PRDM16: variants seen among roughly 807,000 people sequenced by gnomAD.
The protein encoded by PRDM16 is PR/SET domain 16, also known as histone-lysine N-methyltransferase PRDM16.
PRDM16 carries 23 observed loss-of-function variants against 110.6 expected under a neutral mutation model. The observed-to-expected ratio is 0.21, with a 90% CI of 0.15 to 0.29. The LOEUF is 0.29. Ranked by LOEUF, PRDM16 falls within the 10% of genes least tolerant of loss-of-function variation. The pLI is 1.00. For synonymous variants in PRDM16, 799 were observed against 781.8 expected, an observed-to-expected ratio of 1.02 and a Z score of -0.37; for missense variants, 1,615 against 1,794.3, an observed-to-expected ratio of 0.90 and a Z score of 1.81.
rs989731543 is a variant in PRDM16, at chr1:3,390,698, G to A, written c.573+5412G>A. Among the ~76,000 whole-genome samples the A allele has an allele frequency of 2.6e-5, 4 of 152,290 alleles. No homozygotes were observed. In the East Asian group the frequency reaches 5.8e-4, roughly 22 times the overall value. ...GCTTTGCTGTCCTGGGCTCTGACCCGGGTCCCGCGTTTCTGTCTGGGCGTG... is the reference window on the plus strand; with the variant it reads ...GCTTTGCTGTCCTGGGCTCTGACCCAGGTCCCGCGTTTCTGTCTGGGCGTG... On this transcript the variant is annotated intron_variant, in intron 4 of 16. Coordinates refer to ENST00000270722, the MANE Select transcript of PRDM16 (RefSeq NM_022114.4). This position sits in a 1 kb window ranked among gnomAD's most constrained non-coding sequence, Gnocchi z 5.0.
In PRDM16 at chr1:3,358,939, CAG is replaced by C. The variant is rs1314365265; in HGVS notation, c.439-26210_439-26209del. Among the ~76,000 whole-genome samples the C allele has an allele frequency of 2.6e-5, 4 of 152,326 alleles. No homozygotes were observed. Among genetic ancestry groups the C allele is most frequent in the Non-Finnish European group, 4.4e-5 (3 of 68,030 alleles). ...TCCATGGCCGGCTCCCATGAGGAATCAGAGGGGGAAAGCACAGCCGCTGTGGC... is the reference window on the plus strand; with the variant it reads ...TCCATGGCCGGCTCCCATGAGGAATCAGGGGGAAAGCACAGCCGCTGTGGC... On this transcript the variant is annotated intron_variant, in intron 3 of 16. Transcript: ENST00000270722. The surrounding 1 kb of genome is among the most constrained non-coding windows in gnomAD (Gnocchi z 4.0).
rs368744559 is a variant in PRDM16 at position 3,405,658 on chromosome 1, C to T, written c.1186+10C>T. 5.4e-5 allele frequency: 84 copies of T among 1,558,120 alleles called. No homozygotes were observed. The Admixed American group carries it at 6.4e-4, about 12-fold the overall frequency. ...GTGAAGCCTTTCATATGTGAGTGGT[C>T]GCCCAGCCTGGCCGCCTGCCCTCCG... On this transcript the variant is annotated intron_variant, in intron 8 of 16. Transcript: ENST00000270722.
chr1:3,148,361 C>G lies in PRDM16; in HGVS notation c.38-37764C>G, dbSNP rs1184306926. On this transcript the variant is annotated intron_variant, in intron 1 of 16. Coordinates refer to ENST00000270722, the MANE Select transcript of PRDM16 (RefSeq NM_022114.4). The surrounding 1 kb of genome is among the most constrained non-coding windows in gnomAD (Gnocchi z 5.0). ...CCCTCACCAGGCAGCCCTGCAAACC[C>G]AGGAGCCAGGAGCTGCAGGAGGGCC... Among the ~76,000 whole-genome samples the G allele has an allele frequency of 6.6e-6, 1 of 152,088 alleles. No individual in the cohort carries two copies. The highest frequency in any genetic ancestry group is 1.9e-4 in the East Asian group (1 of 5,176).
At chr1:3,174,169 CATTCCTTGGCTCGGGGCA>C (rs1390672557) in intron 1 of PRDM16, among the ~76,000 whole-genome samples, 1 of 152,132 alleles carries the variant, frequency 6.6e-6, no homozygotes, top group Non-Finnish European at 1.5e-5. Flanking sequence ...TGGCTCCAGG[CATTCCTTGGCTCGGGGCA>C]AATCCCTGCC....
intron 3 of PRDM16, chr1:3,306,980 G>C (rs1397952627): frequency 6.6e-6 from 1 of 152,162 alleles, no homozygotes; most frequent in Admixed American, 6.5e-5. Flanking sequence ...TGGTTCCCAG[G>C]TTCGCCCACT....
Position 3,358,251 on chromosome 1 carries a change from C to T in PRDM16, c.439-26901C>T, listed in dbSNP as rs1184602188. Among the ~76,000 whole-genome samples, 1 of 152,200 alleles carries T rather than the reference C, an allele frequency of 6.6e-6. No homozygotes were observed. The highest frequency in any genetic ancestry group is 2.4e-5 in the African/African-American group (1 of 41,466). On this transcript the variant is annotated intron_variant, in intron 3 of 16. Coordinates refer to ENST00000270722, the MANE Select transcript of PRDM16 (RefSeq NM_022114.4). This position sits in a 1 kb window ranked among gnomAD's most constrained non-coding sequence, Gnocchi z 4.0. ...ACAGATAAAGTCACCATGAGACTCC[C>T]GGTTCTGCCTCCTGGGGACCCAGCC...
chr1:3,217,599 G>A (rs1436154553), intron 2 of PRDM16, among the ~76,000 whole-genome samples: 1 of 152,184 alleles, frequency 6.6e-6, no homozygotes, highest in Non-Finnish European at 1.5e-5. Context: ...CTAAGTCTAC[G>A]GCGAGGGTGA....
intron 12 of PRDM16, among the ~76,000 whole-genome samples, chr1:3,421,027 G>C (rs1253339009): frequency 1.3e-5 from 2 of 152,232 alleles, no homozygotes; most frequent in African/African-American, 4.8e-5. Flanking sequence ...CCTGCCTTCT[G>C]TGTGAAGCTG....
At chr1:3,144,773 A>T (rs1643614281) in intron 1 of PRDM16, among the ~76,000 whole-genome samples, 1 of 152,098 alleles carries the variant, frequency 6.6e-6, no homozygotes, top group African/African-American at 2.4e-5. Flanking sequence ...CTTTCCCCTA[A>T]ATTTGGAGGT....
Position 3,255,418 on chromosome 1 carries a change from C to G in PRDM16, c.438+11281C>G, listed in dbSNP as rs1640020475. On this transcript the variant is annotated intron_variant, in intron 3 of 16. Coordinates refer to ENST00000270722, the MANE Select transcript of PRDM16 (RefSeq NM_022114.4). This position sits in a 1 kb window ranked among gnomAD's most constrained non-coding sequence, Gnocchi z 4.7. Reference sequence around the variant, plus strand: ...TCTCACCACAAAGCCAGGGCTGCCCCCGACACTTCAGGAGCCCAGCCCATG... The same window carrying G: ...TCTCACCACAAAGCCAGGGCTGCCCGCGACACTTCAGGAGCCCAGCCCATG... 6.6e-6 allele frequency among the ~76,000 whole-genome samples: 1 copy of G among 152,170 alleles called. No homozygotes were observed. Among genetic ancestry groups the G allele is most frequent in the African/African-American group, 2.4e-5 (1 of 41,436 alleles).
At chr1:3,134,179 G>C (rs1272240870) in intron 1 of PRDM16, among the ~76,000 whole-genome samples, 1 of 152,306 alleles carries the variant, frequency 6.6e-6, no homozygotes, top group South Asian at 2.1e-4. Flanking sequence ...ACCTCCCGGC[G>C]CTGATGTCCA....
At chr1:3,272,574 A>T (rs2455127) in intron 3 of PRDM16, among the ~76,000 whole-genome samples, 1 of 152,012 alleles carries the variant, frequency 6.6e-6, no homozygotes, top group African/African-American at 2.4e-5. Flanking sequence ...ACGTCCCGCC[A>T]GTGAGCCTGG....
chr1:3,180,314 C>T (rs1426722943), intron 1 of PRDM16, among the ~76,000 whole-genome samples: 1 of 152,042 alleles, frequency 6.6e-6, no homozygotes, highest in Non-Finnish European at 1.5e-5. Context: ...CACACATCCA[C>T]GTACACACAG....
chr1:3,416,564 C>T lies in PRDM16; in HGVS notation c.2692-1264C>T, dbSNP rs183540383. On this transcript the variant is annotated intron_variant, in intron 10 of 16. Coordinates refer to ENST00000270722, the MANE Select transcript of PRDM16 (RefSeq NM_022114.4). ...CAAGGACCGGCACCCTGGCCAGTTC[C>T]TCCCAGTGACACCAGCACCTGGGGA... 8.4e-3 allele frequency among the ~76,000 whole-genome samples: 1,282 copies of T among 152,340 alleles called. 6 individuals carry two copies. The highest frequency in any genetic ancestry group is 0.017 in the Middle Eastern group (5 of 294).
intron 3 of PRDM16, among the ~76,000 whole-genome samples, chr1:3,269,935 G>T (rs1640398021): frequency 6.6e-6 from 1 of 150,664 alleles, no homozygotes; most frequent in South Asian, 2.1e-4. Flanking sequence ...ACAATCGGGA[G>T]GAGGACAGTC....
rs1639781841 is a variant in PRDM16 at position 3,245,944 on chromosome 1, C to T, written c.438+1807C>T. On this transcript the variant is annotated intron_variant, in intron 3 of 16. Coordinates refer to ENST00000270722, the MANE Select transcript of PRDM16 (RefSeq NM_022114.4). This position sits in a 1 kb window ranked among gnomAD's most constrained non-coding sequence, Gnocchi z 4.7. Reference sequence around the variant, plus strand: ...CAAGACGCCCTCCTTGGCTGCGCCTCTCCTGAATGCCTCATGGAGGTGGCC... The same window carrying T: ...CAAGACGCCCTCCTTGGCTGCGCCTTTCCTGAATGCCTCATGGAGGTGGCC... Among the ~76,000 whole-genome samples, 1 of 152,198 alleles carries T rather than the reference C, an allele frequency of 6.6e-6. No individual in the cohort carries two copies. Among genetic ancestry groups the T allele is most frequent in the Admixed American group, 6.5e-5 (1 of 15,288 alleles).
chr1:3,355,194 G>A (rs906236861), intron 3 of PRDM16, among the ~76,000 whole-genome samples: 1 of 152,210 alleles, frequency 6.6e-6, no homozygotes, highest in African/African-American at 2.4e-5. Context: ...CGAGCTCCAG[G>A]CTCTGCAGCT....
rs76199653 is a variant in PRDM16 at position 3,339,150 on chromosome 1, C to T, written c.439-46002C>T. 6.2e-3 allele frequency among the ~76,000 whole-genome samples: 949 copies of T among 152,310 alleles called. 7 individuals are homozygous for T. The highest frequency in any genetic ancestry group is 0.021 in the African/African-American group (874 of 41,570). Reference sequence around the variant, plus strand: ...CTTTCCGGGTGCTCAGAGGCATCTCCTGCTCTCTCCTTCTGGAGGGCAGCT... The same window carrying T: ...CTTTCCGGGTGCTCAGAGGCATCTCTTGCTCTCTCCTTCTGGAGGGCAGCT... On this transcript the variant is annotated intron_variant, in intron 3 of 16. Transcript: ENST00000270722. This position sits in a 1 kb window ranked among gnomAD's most constrained non-coding sequence, Gnocchi z 5.0.
chr1:3,318,398 GTTATTC>G (rs1315163078), intron 3 of PRDM16, among the ~76,000 whole-genome samples: 4 of 151,970 alleles, frequency 2.6e-5, no homozygotes, highest in African/African-American at 7.2e-5. Flanking sequence ...CATTTCTGTT[GTTATTC>G]TTATTCTTCT....
Sources: gnomAD v4.1 joint callset for allele counts (sites outside exome capture counted in the v4.1 genomes callset) on GRCh38, gnomAD v4.1.1 for gene constraint, Gnocchi (gnomAD v3.1) non-coding constraint, MANE v1.5 for transcripts, NCBI Gene and HGNC (gene_info 2026-07-23, HGNC 2026-07-21) for gene names.